SRGAP3: variants seen among roughly 807,000 people sequenced by gnomAD.
SRGAP3 encodes the protein SLIT-ROBO Rho GTPase activating protein 3.
Under a neutral mutation model 121.1 loss-of-function variants are expected in SRGAP3, and 39 were observed. The ratio of observed to expected loss-of-function variants is 0.32; its 90% confidence interval spans 0.25 to 0.42. The LOEUF (loss-of-function observed/expected upper bound fraction) is 0.42, where lower values mean the gene tolerates loss of function less well. Ranked by LOEUF, SRGAP3 falls within the 10% of genes least tolerant of loss-of-function variation. SRGAP3 has a pLI of 1.00. For synonymous variants in SRGAP3, 601 were observed against 570.0 expected, an observed-to-expected ratio of 1.05 and a Z score of -0.77; for missense variants, 1,213 against 1,470.6, an observed-to-expected ratio of 0.82 and a Z score of 2.86.
At position 9,284,286 on chromosome 3, in the gene SRGAP3, G is replaced by A. The variant is rs141002052; in HGVS notation, n.442+41724C>T. Among the ~76,000 whole-genome samples, 341 of 152,322 alleles carry A rather than the reference G, an allele frequency of 2.2e-3. 2 individuals are homozygous for A. Among genetic ancestry groups the A allele is most frequent in the Middle Eastern group, 0.02 (6 of 294 alleles). On this transcript the variant is annotated intron_variant and non_coding_transcript_variant, in intron 3 of 3. Transcript: ENST00000490889. Reference sequence around the variant, plus strand: ...AATACCAAAAAGATGTGTAAAAGATGTGTGCCTAAAAGTTGAGATTTAATA... The same window carrying A: ...AATACCAAAAAGATGTGTAAAAGATATGTGCCTAAAAGTTGAGATTTAATA...
intron 1 of SRGAP3, among the ~76,000 whole-genome samples, chr3:9,127,957 G>T (rs1949302784): frequency 6.6e-6 from 1 of 151,146 alleles, no homozygotes; most frequent in African/African-American, 2.4e-5. Flanking sequence ...GGAGGGGAGG[G>T]GAGGGGAAGG....
chr3:9,298,896 A>G (rs956274494), intron 3 of SRGAP3, among the ~76,000 whole-genome samples: 1 of 151,860 alleles, frequency 6.6e-6, no homozygotes, highest in African/African-American at 2.4e-5. Context: ...TACTAAAAAT[A>G]GAAAAATTAG....
chr3:9,233,051 G>C (rs1181750634), intron 1 of SRGAP3, among the ~76,000 whole-genome samples: 1 of 152,180 alleles, frequency 6.6e-6, no homozygotes, highest in Non-Finnish European at 1.5e-5. Context: ...CACTGTCCAG[G>C]ACTCTGAATG....
chr3:9,194,570 G>A (rs575515862), intron 1 of SRGAP3: 18 of 152,362 alleles, frequency 1.2e-4, no homozygotes, highest in African/African-American at 3.8e-4. Context: ...GGCAACAGCT[G>A]AGAGGATAGT....
upstream of SRGAP3, among the ~76,000 whole-genome samples, chr3:9,250,793 G>A (rs967855782): frequency 6.6e-6 from 1 of 152,092 alleles, no homozygotes; most frequent in Non-Finnish European, 1.5e-5. Flanking sequence ...TTCCAACCCA[G>A]GCTCAAAGTC....
intron 3 of SRGAP3, 106 bp from the exon 4 acceptor site, chr3:9,080,193 A>G (rs1947173163): frequency 1.9e-6 from 2 of 1,059,112 alleles, no homozygotes; most frequent in East Asian, 2.4e-5. Flanking sequence ...TGGGGTCAGA[A>G]GGGGTACAGA....
intron 1 of SRGAP3, among the ~76,000 whole-genome samples, chr3:9,182,000 T>C (rs1334877977): frequency 6.6e-6 from 1 of 151,680 alleles, no homozygotes; most frequent in African/African-American, 2.4e-5. Context: ...CATGGTGAAA[T>C]CCCATCTCTA....
intron 1 of SRGAP3, among the ~76,000 whole-genome samples, chr3:9,207,595 G>A (rs1282599778): frequency 6.6e-6 from 1 of 152,168 alleles, no homozygotes. Flanking sequence ...GAAGGAAGAA[G>A]GATTGAGCTG....
At chr3:9,091,312 T>G (rs1947747383) in intron 3 of SRGAP3, among the ~76,000 whole-genome samples, 1 of 152,018 alleles carries the variant, frequency 6.6e-6, no homozygotes, top group South Asian at 2.1e-4. Flanking sequence ...TGGGTTACTC[T>G]TAGGGACATT....
intron 1 of SRGAP3, among the ~76,000 whole-genome samples, chr3:9,174,696 G>A (rs1321249945): frequency 6.6e-6 from 1 of 152,214 alleles, no homozygotes; most frequent in African/African-American, 2.4e-5. Flanking sequence ...CTCACCAGAG[G>A]GAAGTCGCAC....
chr3:9,179,554 C>T lies in SRGAP3; in HGVS notation c.68-54637G>A, dbSNP rs113782651. Among the ~76,000 whole-genome samples, 261 of 152,332 alleles carry T rather than the reference C, an allele frequency of 1.7e-3. 2 individuals carry two copies. The highest frequency in any genetic ancestry group is 5.9e-3 in the African/African-American group (246 of 41,568). Reference sequence around the variant, plus strand: ...AATGGATGCCTGGTGGCTATAGCCACATGATAAAATAAGAGTAAGGTCACA... The same window carrying T: ...AATGGATGCCTGGTGGCTATAGCCATATGATAAAATAAGAGTAAGGTCACA... On this transcript the variant is annotated intron_variant, in intron 1 of 21. Transcript: ENST00000383836.
intron 1 of SRGAP3, among the ~76,000 whole-genome samples, chr3:9,248,230 G>A (rs1953895423): frequency 6.6e-6 from 1 of 152,226 alleles, no homozygotes. Flanking sequence ...AGAGTGATTG[G>A]GCTGCACACT....
intron 1 of SRGAP3, among the ~76,000 whole-genome samples, chr3:9,130,600 C>G (rs536739317): frequency 1.3e-5 from 2 of 152,306 alleles, no homozygotes; most frequent in South Asian, 4.1e-4. Context: ...TACCATAATG[C>G]CCTTGACATG....
chr3:9,288,126 C>CTTTTTTTTTTT (rs1303208494), intron 3 of SRGAP3, among the ~76,000 whole-genome samples: 1 of 111,836 alleles, frequency 8.9e-6, no homozygotes. Flanking sequence ...TTCATTCTAT[C>CTTTTTTTTTTT]TTTGTTTTTT....
chr3:8,995,747 T>C (rs138160404), intron 18 of SRGAP3, among the ~76,000 whole-genome samples: 7 of 152,340 alleles, frequency 4.6e-5, no homozygotes, highest in African/African-American at 1.7e-4. Context: ...TGTTTTATAG[T>C]TTCTACCCTA....
chr3:9,068,056 C>A (rs191862583), intron 4 of SRGAP3, among the ~76,000 whole-genome samples: 13 of 152,300 alleles, frequency 8.5e-5, no homozygotes, highest in Non-Finnish European at 1.3e-4. Context: ...CCACAGACAA[C>A]CCTGGGTTCT....
At chr3:9,100,294 T>G (rs1239258919) in intron 3 of SRGAP3, among the ~76,000 whole-genome samples, 1 of 152,116 alleles carries the variant, frequency 6.6e-6, no homozygotes, top group African/African-American at 2.4e-5. Context: ...CTTTCCCCAT[T>G]CAGCAGGCTC....
chr3:9,231,368 G>C (rs1460852375), intron 1 of SRGAP3, among the ~76,000 whole-genome samples: 2 of 152,188 alleles, frequency 1.3e-5, no homozygotes, highest in Non-Finnish European at 2.9e-5. Flanking sequence ...GCAGTAATGA[G>C]GATGGAAGGA....
chr3:9,307,533 C>CT (rs1290948587), intron 3 of SRGAP3, among the ~76,000 whole-genome samples: 2 of 152,150 alleles, frequency 1.3e-5, no homozygotes, highest in Non-Finnish European at 2.9e-5. Context: ...AATGCATACT[C>CT]TATTTAAAGA....
Sources: gnomAD v4.1 joint callset for allele counts (sites outside exome capture counted in the v4.1 genomes callset) on GRCh38, gnomAD v4.1.1 for gene constraint, MANE v1.5 for transcripts, NCBI Gene and HGNC (gene_info 2026-07-23, HGNC 2026-07-21) for gene names.